Variants in TBC1D22B observed in about 807,000 individuals in gnomAD.
TBC1D22B encodes TBC1 domain family member 22B.
Under a neutral mutation model 69.1 loss-of-function variants are expected in TBC1D22B, and 32 were observed. That is an observed-to-expected ratio of 0.46 (90% confidence interval 0.35 to 0.62). The LOEUF (loss-of-function observed/expected upper bound fraction) is 0.62. Among genes scored for constraint, TBC1D22B ranks in the 20% least tolerant of loss-of-function variants. The pLI, the probability that TBC1D22B is intolerant of heterozygous loss-of-function variation, is 0.00. For missense variants in TBC1D22B, 462 were observed against 630.9 expected (o/e 0.73, Z 2.87); for synonymous variants, 206 against 229.8 (o/e 0.90, Z 0.94).
chr6:37,306,647 T>TA (rs550043214), intron 8 of TBC1D22B, among the ~76,000 whole-genome samples: 1 of 152,202 alleles, frequency 6.6e-6, no homozygotes, highest in South Asian at 2.1e-4. Context: ...GTAAAAGTAA[T>TA]ACAGCAACCT....
At chr6:37,327,280 C>A (rs1455105382) in intron 12 of TBC1D22B, among the ~76,000 whole-genome samples, 1 of 101,294 alleles carries the variant, frequency 9.9e-6, no homozygotes, top group Non-Finnish European at 1.9e-5. Flanking sequence ...AGATCGAGAC[C>A]ATCCTGGCTA....
At chr6:37,317,368 A>C (rs1478963228) in intron 12 of TBC1D22B, among the ~76,000 whole-genome samples, 162 bp downstream of exon 12, 1 of 152,224 alleles carries the variant, frequency 6.6e-6, no homozygotes, top group Admixed American at 6.5e-5. Flanking sequence ...GTTGGCAGGA[A>C]GTCACTGGAG....
chr6:37,257,982 A>G lies in TBC1D22B; in HGVS notation c.56+9A>G, dbSNP rs763786817. The G allele has an allele frequency of 6.2e-7, 1 of 1,613,978 alleles. No homozygotes were observed. The highest frequency in any genetic ancestry group is 1.3e-5 in the African/African-American group (1 of 75,074). On this transcript the variant is annotated intron_variant, in intron 1 of 12. Transcript: ENST00000373491. ...GCTAAGCTGCCGGGGAGGTGAGCCCAGGACGCTGAGAGGGATAGGGGATTG... is the reference window on the plus strand; with the variant it reads ...GCTAAGCTGCCGGGGAGGTGAGCCCGGGACGCTGAGAGGGATAGGGGATTG...
At chr6:37,313,475 G>A (rs1233322016) in intron 9 of TBC1D22B, among the ~76,000 whole-genome samples, 1 of 133,928 alleles carries the variant, frequency 7.5e-6, no homozygotes, top group African/African-American at 2.9e-5. Context: ...GGGCGATAGA[G>A]TGAGACCCTA....
At chr6:37,282,794 TG>T (rs1194439617) in intron 4 of TBC1D22B, 87 bp from the exon 5 acceptor site, 2 of 1,288,388 alleles carry the variant, frequency 1.6e-6, no homozygotes, top group South Asian at 2.4e-5. Flanking sequence ...CTTACATGGA[TG>T]GAAGGAGACA....
chr6:37,313,074 C>A, intron 9 of TBC1D22B, 50 bp downstream of exon 9: 1 of 1,427,772 alleles, frequency 7.0e-7, no homozygotes, highest in South Asian at 1.1e-5. Flanking sequence ...CCAGAGGCTC[C>A]CAGCAGGGCT....
rs759159236 is a variant in TBC1D22B at position 37,291,318 on chromosome 6, G to A, written c.943G>A (p.Val315Ile). Residue 315 changes from valine (V) to isoleucine (I), a missense_variant, in exon 8 of 13, where the codon GTC becomes ATC. Val to Ile is a conservative substitution (Grantham distance 29). Coordinates refer to ENST00000373491, the MANE Select transcript of TBC1D22B (RefSeq NM_017772.4). ...SGYVQGINDL[V>I]TPFFVVFLSE... ...GTATGTCCAGGGAATTAATGACCTG[G>A]TCACTCCATTCTTTGTCGTCTTCCT... 2 of 1,613,404 alleles carry A rather than the reference G, an allele frequency of 1.2e-6. No homozygotes were observed. Among genetic ancestry groups the A allele is most frequent in the South Asian group, 1.1e-5 (1 of 90,880 alleles).
chr6:37,301,736 A>AT (rs1211394104), intron 8 of TBC1D22B, among the ~76,000 whole-genome samples: 4 of 152,168 alleles, frequency 2.6e-5, no homozygotes, highest in Admixed American at 1.3e-4. Flanking sequence ...AGCAAGCATC[A>AT]TTTTTTTGTC....
intron 10 of TBC1D22B, 29 bp from the exon 11 acceptor site, chr6:37,316,674 T>G (rs199852239): frequency 1.2e-6 from 2 of 1,613,936 alleles, no homozygotes; most frequent in African/African-American, 2.7e-5. Flanking sequence ...GTCCCCTAGG[T>G]TGATCCCCAA....
At chr6:37,274,011 G>T (rs1766586502) in intron 2 of TBC1D22B, among the ~76,000 whole-genome samples, 1 of 152,192 alleles carries the variant, frequency 6.6e-6, no homozygotes, top group Non-Finnish European at 1.5e-5. Context: ...TTTGCCAAAT[G>T]ATTACTATTA....
chr6:37,331,115 C>T lies in TBC1D22B; in HGVS notation c.1461C>T (p.Ala487=), dbSNP rs781123739. The T allele has an allele frequency of 4.4e-5, 71 of 1,614,022 alleles. No individual in the cohort carries two copies. Among genetic ancestry groups the T allele is most frequent in the Middle Eastern group, 1.6e-4 (1 of 6,084 alleles). The change falls in exon 13 of 13, where the codon GCC becomes GCT. Residue 487 remains alanine (A), a synonymous_variant. Transcript: ENST00000373491. The part of the protein sequence containing the change: ...WGNEEIGLLL[A]EAYRLKYMFA... ...ACGAAGAAATTGGGCTGCTTCTCGC[C>T]GAGGCATACAGACTCAAGTACATGT... is the stretch of plus-strand genomic sequence containing the variant.
intron 8 of TBC1D22B, among the ~76,000 whole-genome samples, chr6:37,311,680 AGAAAG>A (rs201272445): frequency 0.012 from 1,801 of 152,302 alleles, 29 homozygotes; most frequent in Middle Eastern, 0.044. Context: ...CTCAAAAAAA[AGAAAG>A]GAAGAAAGAA....
chr6:37,331,466 C>A lies in TBC1D22B; in HGVS notation c.*294C>A. The A allele has an allele frequency of 3.4e-6, 1 of 291,092 alleles. No individual in the cohort carries two copies. The highest frequency in any genetic ancestry group is 6.5e-6 in the Non-Finnish European group (1 of 153,174). 18.0% of individuals were successfully genotyped at this position (291,092 alleles called of 1,614,324 possible). ...AGAAACTGGACAAAGAAGGGGAAGG[C>A]TCAGGGTCTCACCTCACATTGTCCC... is the stretch of plus-strand genomic sequence containing the variant. On this transcript the variant is annotated 3_prime_UTR_variant, in exon 13 of 13. Coordinates refer to ENST00000373491, the MANE Select transcript of TBC1D22B (RefSeq NM_017772.4).
At position 37,266,930 on chromosome 6, in the gene TBC1D22B, C is replaced by CTTTT. The variant is rs35702920; in HGVS notation, c.57-2643_57-2640dup. ...GTTCAATTTTTAATATTTTCTTCGT[C>CTTTT]TTTTTTTTTTTTTTTTTTTTTTTTG... On this transcript the variant is annotated intron_variant, in intron 1 of 12. Transcript: ENST00000373491. 9.2e-3 allele frequency among the ~76,000 whole-genome samples: 507 copies of CTTTT among 54,860 alleles called. 19 individuals carry two copies. Among genetic ancestry groups the CTTTT allele is most frequent in the African/African-American group, 0.022 (288 of 13,340 alleles). 36.0% of individuals were successfully genotyped at this position (54,860 alleles called of 152,430 possible).
At position 37,257,903 on chromosome 6, in the gene TBC1D22B, C is replaced by A; in HGVS notation, c.-15C>A. On this transcript the variant is annotated 5_prime_UTR_variant, in exon 1 of 13. Coordinates refer to ENST00000373491, the MANE Select transcript of TBC1D22B (RefSeq NM_017772.4). ...ACCCTTGGCCCGCCTACAAGGACTTCCCCCGGCCAGAGCAATGGCCGCTGA... is the reference window on the plus strand; with the variant it reads ...ACCCTTGGCCCGCCTACAAGGACTTACCCCGGCCAGAGCAATGGCCGCTGA... The A allele has an allele frequency of 1.2e-6, 2 of 1,612,732 alleles. No individual in the cohort carries two copies. The highest frequency in any genetic ancestry group is 2.2e-5 in the East Asian group (1 of 44,802).
In TBC1D22B at chr6:37,269,657, CAA is replaced by C; in HGVS notation, c.113+8_113+9del. 6.2e-7 allele frequency: 1 copy of C among 1,614,066 alleles called. No individual in the cohort carries two copies. Among genetic ancestry groups the C allele is most frequent in the Non-Finnish European group, 8.5e-7 (1 of 1,179,962 alleles). On this transcript the variant is annotated splice_region_variant and intron_variant, in intron 2 of 12. Coordinates refer to ENST00000373491, the MANE Select transcript of TBC1D22B (RefSeq NM_017772.4). The stretch of plus-strand genomic sequence containing the variant: ...ACCCACGGCTCACCAAAAAGTAAGT[CAA>C]GACATTTTCGTTTTATCTATCTACT...
chr6:37,265,444 A>G (rs1052682976), intron 1 of TBC1D22B, among the ~76,000 whole-genome samples: 2 of 151,604 alleles, frequency 1.3e-5, no homozygotes, highest in African/African-American at 4.9e-5. Context: ...TTTATATTTT[A>G]TTGTGAGGAG....
chr6:37,285,315 C>CTTTTTTTTTTTTTTTTTTTTTTTTTTTT lies in TBC1D22B; in HGVS notation c.801+878_801+879insTTTTTTTTTTTTTTTTTTTTTTTTTTTT, dbSNP rs756459599. 9.5e-5 allele frequency among the ~76,000 whole-genome samples: 7 copies of CTTTTTTTTTTTTTTTTTTTTTTTTTTTT among 73,562 alleles called. 1 individual carries two copies. Among genetic ancestry groups the CTTTTTTTTTTTTTTTTTTTTTTTTTTTT allele is most frequent in the African/African-American group, 4.2e-4 (7 of 16,858 alleles). 48.3% of individuals were successfully genotyped at this position (73,562 alleles called of 152,430 possible). On this transcript the variant is annotated intron_variant, in intron 6 of 12. Coordinates refer to ENST00000373491, the MANE Select transcript of TBC1D22B (RefSeq NM_017772.4). ...GCCAACTCCTTTTGGTCCTTCCCCA[C>CTTTTTTTTTTTTTTTTTTTTTTTTTTTT]TTTTTTTTTTTTTTTTTTTTTTTTT...
At chr6:37,307,338 A>G (rs778174108) in intron 8 of TBC1D22B, among the ~76,000 whole-genome samples, 3 of 148,216 alleles carry the variant, frequency 2.0e-5, no homozygotes, top group Admixed American at 2.0e-4. Context: ...GTTATGAGAA[A>G]TTTTTTTTTC....
Sources: gnomAD v4.1 joint callset for allele counts (sites outside exome capture counted in the v4.1 genomes callset) on GRCh38, gnomAD v4.1.1 for gene constraint, MANE v1.5 for transcripts, NCBI Gene and HGNC (gene_info 2026-07-23, HGNC 2026-07-21) for gene names.